Variants in RETREG1 observed in about 807,000 individuals in gnomAD.
The protein encoded by RETREG1 is reticulophagy regulator 1.
RETREG1 carries 44 observed loss-of-function variants against 54.8 expected under a neutral mutation model. The observed-to-expected ratio is 0.80, with a 90% confidence interval of 0.63 to 1.03. The LOEUF (loss-of-function observed/expected upper bound fraction) is 1.03. RETREG1 is among the 50% of genes least tolerant of loss of function. The probability of loss-of-function intolerance (pLI) is 0.00; values close to 1 mark genes in which losing one functional copy is unlikely to be tolerated. For synonymous variants in RETREG1, 217 were observed against 238.5 expected (o/e 0.91, Z 0.83); for missense variants, 554 against 605.1 (o/e 0.92, Z 0.89).
At chr5:16,547,225 G>GT (rs1158821272) in intron 3 of RETREG1, among the ~76,000 whole-genome samples, 3 of 152,194 alleles carry the variant, frequency 2.0e-5, no homozygotes, top group Admixed American at 1.3e-4. Flanking sequence ...CAGGGTGACT[G>GT]TGGAAAGTGT....
At chr5:16,498,644 C>T (rs1012127911) in intron 3 of RETREG1, among the ~76,000 whole-genome samples, 4 of 152,006 alleles carry the variant, frequency 2.6e-5, no homozygotes, top group Admixed American at 6.5e-5. Context: ...CCCAGGAGGT[C>T]GAGGCTGCAG....
At chr5:16,590,774 C>T (rs370780387) in intron 1 of RETREG1, among the ~76,000 whole-genome samples, 21 of 151,952 alleles carry the variant, frequency 1.4e-4, no homozygotes, top group African/African-American at 5.1e-4. Context: ...CCCTACTCCC[C>T]GGTGGGTACA....
chr5:16,614,547 G>A (rs1743438187), intron 1 of RETREG1, among the ~76,000 whole-genome samples: 1 of 152,212 alleles, frequency 6.6e-6, no homozygotes, highest in African/African-American at 2.4e-5. Context: ...AAAGCAGGCA[G>A]TCATACACAT....
rs2126345569 is a variant in RETREG1 at position 16,593,429 on chromosome 5, T to C, written c.321-21327A>G. 6.6e-6 allele frequency among the ~76,000 whole-genome samples: 1 copy of C among 152,346 alleles called. No individual in the cohort carries two copies. The highest frequency in any genetic ancestry group is 1.9e-4 in the East Asian group (1 of 5,184). On this transcript the variant is annotated intron_variant, in intron 1 of 8. Transcript: ENST00000306320. The surrounding 1 kb of genome is among the most constrained non-coding windows in gnomAD (Gnocchi z 4.9). ...AATCACAGGCACTCAATAAATACTT[T>C]TTTGTTTGCTGTTGCTCATTCAGTA...
chr5:16,589,128 C>T (rs751395043), intron 1 of RETREG1, among the ~76,000 whole-genome samples: 1 of 152,166 alleles, frequency 6.6e-6, no homozygotes, highest in Non-Finnish European at 1.5e-5. Flanking sequence ...AACACCACCC[C>T]CTTTGCTTAT....
At chr5:16,516,740 C>T (rs1408290898) in intron 3 of RETREG1, among the ~76,000 whole-genome samples, 5 of 151,914 alleles carry the variant, frequency 3.3e-5, no homozygotes, top group African/African-American at 1.2e-4. Context: ...AAACATGTAC[C>T]TCTAAATGTT....
chr5:16,526,488 G>A (rs1003493826), intron 3 of RETREG1, among the ~76,000 whole-genome samples: 1 of 152,166 alleles, frequency 6.6e-6, no homozygotes, highest in Non-Finnish European at 1.5e-5. Flanking sequence ...AAAAAGAGAT[G>A]TTTCAGGAAT....
chr5:16,475,616 T>G (rs1021163581), intron 8 of RETREG1, among the ~76,000 whole-genome samples: 1 of 152,230 alleles, frequency 6.6e-6, no homozygotes, highest in Non-Finnish European at 1.5e-5. Flanking sequence ...TGAGTACACA[T>G]GTACATGAAA....
At chr5:16,564,674 A>G (rs1020896371) in intron 3 of RETREG1, among the ~76,000 whole-genome samples, 6 of 152,112 alleles carry the variant, frequency 3.9e-5, no homozygotes, top group African/African-American at 7.2e-5. Flanking sequence ...GCTGCCCGCC[A>G]CCTCCACGAG....
chr5:16,573,052 G>A (rs570035822), intron 1 of RETREG1, among the ~76,000 whole-genome samples: 21 of 151,842 alleles, frequency 1.4e-4, no homozygotes, highest in African/African-American at 4.6e-4. Context: ...GCATGGTGGC[G>A]TGCGCCTGCA....
chr5:16,487,221 G>T (rs17650129), intron 3 of RETREG1, among the ~76,000 whole-genome samples: 31,364 of 152,162 alleles, frequency 0.21, 3,675 homozygotes, highest in South Asian at 0.34. Context: ...AACTAAGGGA[G>T]AAAATTCATT....
At chr5:16,570,644 C>T (rs1742147795) in intron 2 of RETREG1, among the ~76,000 whole-genome samples, 1 of 152,188 alleles carries the variant, frequency 6.6e-6, no homozygotes, top group South Asian at 2.1e-4. Context: ...AAAACAGGCT[C>T]TGCTCTACCA....
At chr5:16,483,292 T>C (rs1738883257) in intron 4 of RETREG1, 54 bp downstream of exon 4, 1 of 1,600,990 alleles carries the variant, frequency 6.2e-7, no homozygotes, top group South Asian at 1.1e-5. Context: ...GTTAGTTCAT[T>C]TGTTTCCAAG....
At chr5:16,492,138 G>A (rs1380790324) in intron 3 of RETREG1, among the ~76,000 whole-genome samples, 1 of 149,950 alleles carries the variant, frequency 6.7e-6, no homozygotes, top group Admixed American at 6.7e-5. Flanking sequence ...TTTTGGTTTT[G>A]CTTTTCAAGT....
rs371924017 is a variant in RETREG1, at chr5:16,477,715, T to C, written c.947A>G (p.Asn316Ser). 58 of 1,613,124 alleles carry C rather than the reference T, an allele frequency of 3.6e-5. No individual in the cohort carries two copies. The highest frequency in any genetic ancestry group is 4.8e-5 in the Non-Finnish European group (57 of 1,179,412). ...TCCTTCTGAAAGGTTGAAGGTCCCA[T>C]TATCAGTCCAGGATACCTCTGAGAC... ...TDVSEVSWTD[N>S]GTFNLSEGYT... is the part of the protein sequence containing the mutation. The change falls in exon 8 of 9, where the codon AAT (asparagine) becomes AGT (serine). Residue 316 changes from asparagine (N) to serine (S), a missense_variant. By Grantham distance (46) the Asn-to-Ser change is conservative. Transcript: ENST00000306320.
chr5:16,566,655 T>C (rs958637871), intron 2 of RETREG1, among the ~76,000 whole-genome samples: 1 of 152,238 alleles, frequency 6.6e-6, no homozygotes, highest in Non-Finnish European at 1.5e-5. Flanking sequence ...ATTGCTTGCT[T>C]CATTTTTTTC....
At chr5:16,588,479 C>T (rs116344692) in intron 1 of RETREG1, among the ~76,000 whole-genome samples, 2,375 of 152,260 alleles carry the variant, frequency 0.016, 62 homozygotes, top group African/African-American at 0.054. Flanking sequence ...GGGGGCAGCA[C>T]GATTCAGCCC....
Position 16,477,652 on chromosome 5 carries a change from AT to A in RETREG1, c.1000+9del, listed in dbSNP as rs771332600. On this transcript the variant is annotated intron_variant, in intron 8 of 8. Transcript: ENST00000306320. ...CATAAAAATAAATGTCTCCAGAAAT[AT>A]TAGCATACCATCAGAAGTGTCTGTC... is the stretch of plus-strand genomic sequence containing the variant. The A allele has an allele frequency of 2.5e-6, 4 of 1,612,362 alleles. No homozygotes were observed. The highest frequency in any genetic ancestry group is 2.5e-6 in the Non-Finnish European group (3 of 1,178,800).
chr5:16,544,623 T>C (rs1228801340), intron 3 of RETREG1, among the ~76,000 whole-genome samples: 1 of 152,234 alleles, frequency 6.6e-6, no homozygotes, highest in East Asian at 1.9e-4. Context: ...TCAAAGTTCA[T>C]ATTTTTGCAT....
Sources: gnomAD v4.1 joint callset for allele counts (sites outside exome capture counted in the v4.1 genomes callset) on GRCh38, gnomAD v4.1.1 for gene constraint, Gnocchi (gnomAD v3.1) non-coding constraint, MANE v1.5 for transcripts, NCBI Gene and HGNC (gene_info 2026-07-23, HGNC 2026-07-21) for gene names.